The following BAHCC1 variants were observed in gnomAD, a reference collection of about 807,000 sequenced individuals.
BAHCC1 encodes the protein BAH domain and coiled-coil containing 1.
BAHCC1 carries 43 observed loss-of-function variants against 88.2 expected under a neutral mutation model. The ratio of observed to expected loss-of-function variants is 0.49; its 90% confidence interval spans 0.38 to 0.63. BAHCC1 has a LOEUF of 0.63. BAHCC1 is among the 20% of genes least tolerant of loss of function. The probability of loss-of-function intolerance (pLI) is 0.00; values close to 1 mark genes in which losing one functional copy is unlikely to be tolerated. For synonymous variants in BAHCC1, 1,510 were observed against 745.5 expected, an observed-to-expected ratio of 2.03 and a Z score of -16.71; for missense variants, 3,023 against 1,654.8, an observed-to-expected ratio of 1.83 and a Z score of -14.34.
chr17:81,462,989 C>T lies in BAHCC1; in HGVS notation c.7620+13C>T. 1 of 778,164 alleles carries T rather than the reference C, an allele frequency of 1.3e-6. No individual in the cohort carries two copies. The allele number at this position is 778,164 out of a possible 1,614,324, so 48.2% of individuals were successfully genotyped here. On this transcript the variant is annotated intron_variant, in intron 27 of 27. Coordinates refer to ENST00000675386, the MANE Select transcript of BAHCC1 (RefSeq NM_001377448.1). ...GTGCGACGGCAAGGTGAGGCCCGGA[C>T]AGGTGTGGGGCCCAGCCCCCCTCGG...
At chr17:81,427,350 C>T (rs926001799) in intron 3 of BAHCC1, among the ~76,000 whole-genome samples, 13 of 152,160 alleles carry the variant, frequency 8.5e-5, no homozygotes, top group African/African-American at 2.2e-4. Flanking sequence ...CGCTAGGAGG[C>T]GGGCTCCAAA....
chr17:81,445,427 C>T lies in BAHCC1; in HGVS notation c.2909C>T (p.Pro970Leu). The T allele has an allele frequency of 2.6e-6, 2 of 775,518 alleles. No individual in the cohort carries two copies. Among genetic ancestry groups the T allele is most frequent in the South Asian group, 1.4e-5 (1 of 73,618 alleles). 48.0% of individuals were successfully genotyped at this position (775,518 alleles called of 1,614,324 possible). A position where few individuals can be genotyped will look rare whatever the true frequency, so the allele number is the denominator to read the frequency against. The change falls in exon 10 of 28, where the codon CCA becomes CTA. Residue 970 changes from proline to leucine, a missense_variant. Transcript: ENST00000675386. ...AAGGCCCCAAAGTCCACCCACAAGCCAGTTGCCTTAACCCCCACGGCCCCG... is the reference window on the plus strand; with the variant it reads ...AAGGCCCCAAAGTCCACCCACAAGCTAGTTGCCTTAACCCCCACGGCCCCG... ...QEKAPKSTHK[P>L]VALTPTAPGA...
At chr17:81,444,187 G>C (rs1458533576) in intron 6 of BAHCC1, 194 bp from the exon 7 acceptor site, 1 of 606,906 alleles carries the variant, frequency 1.6e-6, no homozygotes, top group East Asian at 2.7e-5. Context: ...TGAGGCTGGA[G>C]CCTGGGGTTT....
intron 2 of BAHCC1, among the ~76,000 whole-genome samples, chr17:81,403,740 A>G (rs1334669610): frequency 6.6e-6 from 1 of 152,208 alleles, no homozygotes; most frequent in Non-Finnish European, 1.5e-5. Context: ...CGAAGACGTC[A>G]CCCGTCCCGC....
Position 81,442,919 on chromosome 17 carries a change from G to A in BAHCC1, c.1570G>A (p.Asp524Asn), listed in dbSNP as rs782066619. The A allele has an allele frequency of 1.2e-5, 9 of 779,040 alleles. No individual in the cohort carries two copies. 48.3% of individuals were successfully genotyped at this position (779,040 alleles called of 1,614,324 possible). Residue 524 changes from aspartate (D) to asparagine (N), a missense_variant, in exon 5 of 28, where the codon GAT becomes AAT. By Grantham distance (23) the Asp-to-Asn change is conservative. Transcript: ENST00000675386. ...GKAPQACCTLDKTVGKEAPAG... is the reference protein window; with the variant it reads ...GKAPQACCTLNKTVGKEAPAG... ...GGCCCCCCAGGCCTGCTGCACTTTA[G>A]ATAAGACTGTTGGCAAGGAAGCCCC...
rs782465596 is a variant in BAHCC1, at chr17:81,447,375, C to G, written c.3503C>G (p.Pro1168Arg). 13 of 735,102 alleles carry G rather than the reference C, an allele frequency of 1.8e-5. No individual in the cohort carries two copies. In the African/African-American group the frequency reaches 2.1e-4, roughly 12 times the overall value. The allele number at this position is 735,102 out of a possible 1,614,324, so 45.5% of individuals were successfully genotyped here. Residue 1168 changes from proline to arginine, a missense_variant, in exon 11 of 28, where the codon CCC becomes CGC. Transcript: ENST00000675386. ...GCGGCCCTCCTGGAGGCAGGGGGCCCCGAGGCCACCGGCCAGGCTCATTCT... is the reference window on the plus strand; with the variant it reads ...GCGGCCCTCCTGGAGGCAGGGGGCCGCGAGGCCACCGGCCAGGCTCATTCT... ...QCAALLEAGG[P>R]EATGQAHSTQ... is the part of the protein sequence containing the mutation.
chr17:81,459,298 C>T lies in BAHCC1; in HGVS notation c.5766C>T (p.Ile1922=), dbSNP rs782107648. The T allele has an allele frequency of 7.7e-6, 6 of 779,266 alleles. No homozygotes were observed. The African/African-American group carries it at 1.0e-4, about 13-fold the overall frequency. The allele number at this position is 779,266 out of a possible 1,614,324, so 48.3% of individuals were successfully genotyped here. A position where few individuals can be genotyped will look rare whatever the true frequency, so the allele number is the denominator to read the frequency against. The part of the protein sequence containing the change: ...IEGERGNRQR[I]YSLEQLLQEA... ...GCGAGAGGGGCAACCGGCAGAGGAT[C>T]TACTCACTGGAGCAGCTGCTGCAGG... The change falls in exon 22 of 28, where the codon ATC becomes ATT. Residue 1922 remains isoleucine (I), a synonymous_variant. Transcript: ENST00000675386.
At chr17:81,400,498 C>T (rs1285803883) in intron 2 of BAHCC1, among the ~76,000 whole-genome samples, 2 of 152,220 alleles carry the variant, frequency 1.3e-5, no homozygotes, top group African/African-American at 4.8e-5. Context: ...TAACGAGTGC[C>T]TCTGGTATCC....
chr17:81,451,562 G>C, intron 11 of BAHCC1, 106 bp from the exon 12 acceptor site: 2 of 624,958 alleles, frequency 3.2e-6, no homozygotes, highest in South Asian at 1.8e-5. Flanking sequence ...CCCTCATCCC[G>C]GTCTTCAAGG....
At chr17:81,449,819 C>T (rs1555655384) in intron 11 of BAHCC1, among the ~76,000 whole-genome samples, 1 of 152,210 alleles carries the variant, frequency 6.6e-6, no homozygotes. Context: ...CACCTCCTGG[C>T]TTCTTAGTAA....
rs559799893 is a variant in BAHCC1, at chr17:81,417,842, G to A, written c.179-8958G>A. Among the ~76,000 whole-genome samples the A allele has an allele frequency of 1.9e-3, 296 of 152,330 alleles. 3 individuals are homozygous for A. The highest frequency in any genetic ancestry group is 7.0e-3 in the African/African-American group (289 of 41,574). On this transcript the variant is annotated intron_variant, in intron 2 of 27. Transcript: ENST00000675386. ...GGGTGACGTGCTCCTGTTCCTGGGC[G>A]GGCGCCCCTCCCACAGGCTGCTGCA...
intron 2 of BAHCC1, among the ~76,000 whole-genome samples, chr17:81,409,608 G>T (rs2063923687): frequency 6.6e-6 from 1 of 152,210 alleles, no homozygotes. Context: ...CTTCATCTGG[G>T]TCATAGAGCA....
chr17:81,458,189 A>T lies in BAHCC1; in HGVS notation c.5066A>T (p.Glu1689Val). 1 of 723,946 alleles carries T rather than the reference A, an allele frequency of 1.4e-6. No individual in the cohort carries two copies. The allele number at this position is 723,946 out of a possible 1,614,324, so 44.8% of individuals were successfully genotyped here. A position where few individuals can be genotyped will look rare whatever the true frequency, so the allele number is the denominator to read the frequency against. The change falls in exon 18 of 28, where the codon GAG becomes GTG. Residue 1689 changes from glutamate to valine, a missense_variant. Physicochemically the swap from Glu to Val is moderately radical, Grantham distance 121. Transcript: ENST00000675386. ...LLGACRLSSP[E>V]SEVKIKRRSV... The stretch of plus-strand genomic sequence containing the variant: ...GGGGCCTGCCGCCTGTCCAGCCCTG[A>T]GAGTGAGGTCAAGATCAAGAGGCGG...
In BAHCC1 at chr17:81,435,815, C is replaced by T. The variant is rs1270037053; in HGVS notation, c.359-2555C>T. Among the ~76,000 whole-genome samples, 1 of 151,758 alleles carries T rather than the reference C, an allele frequency of 6.6e-6. No individual in the cohort carries two copies. The highest frequency in any genetic ancestry group is 1.5e-5 in the Non-Finnish European group (1 of 67,892). On this transcript the variant is annotated intron_variant, in intron 3 of 27. Coordinates refer to ENST00000675386, the MANE Select transcript of BAHCC1 (RefSeq NM_001377448.1). The surrounding 1 kb of genome is among the most constrained non-coding windows in gnomAD (Gnocchi z 4.4). ...GCCGCAGCAGCCCTGCCTTCCCCCA[C>T]TCCTCAGTGGCAGCCCCTTCCAGGA...
intron 3 of BAHCC1, among the ~76,000 whole-genome samples, chr17:81,428,423 G>T (rs928484927): frequency 3.3e-5 from 5 of 152,208 alleles, no homozygotes; most frequent in Non-Finnish European, 5.9e-5. Context: ...CAGACGCAAC[G>T]GCCGCTGCCT....
chr17:81,444,925 C>T, intron 8 of BAHCC1, 90 bp from the exon 9 acceptor site: 1 of 685,414 alleles, frequency 1.5e-6, no homozygotes, highest in East Asian at 2.7e-5. Context: ...GAGCGGTGGG[C>T]TTGGTGGGCT....
chr17:81,402,570 C>G (rs2063830979), intron 2 of BAHCC1: 1 of 152,260 alleles, frequency 6.6e-6, no homozygotes, highest in Non-Finnish European at 1.5e-5. Flanking sequence ...GCCAGCCCGC[C>G]CCTCCCTCTG....
rs542626759 is a variant in BAHCC1 at position 81,441,536 on chromosome 17, C to T, written c.482-295C>T. Among the ~76,000 whole-genome samples the T allele has an allele frequency of 8.0e-4, 121 of 152,174 alleles. 1 individual carries two copies. The South Asian group carries it at 0.016, about 20-fold the overall frequency. On this transcript the variant is annotated intron_variant, in intron 4 of 27. Transcript: ENST00000675386. ...AGTTAGCTGGGCCTGGTGGCGGGCT[C>T]CTGTAGTCCCAGCTACTCGGGAGGC... is the stretch of plus-strand genomic sequence containing the variant.
chr17:81,449,010 C>T (rs2064584295), intron 11 of BAHCC1, among the ~76,000 whole-genome samples: 1 of 152,202 alleles, frequency 6.6e-6, no homozygotes, highest in African/African-American at 2.4e-5. Flanking sequence ...CCTCACCTGG[C>T]AGCATGAGGA....
Sources: allele counts gnomAD v4.1 joint callset (sites outside exome capture counted in the v4.1 genomes callset), GRCh38; gene constraint gnomAD v4.1.1; non-coding constraint Gnocchi (gnomAD v3.1); transcripts MANE v1.5; gene names NCBI Gene and HGNC (gene_info 2026-07-23, HGNC 2026-07-21).